KANK1: variants seen among roughly 807,000 people sequenced by gnomAD.
KANK1 encodes KN motif and ankyrin repeat domain-containing protein 1.
Under a neutral mutation model 106.2 loss-of-function variants are expected in KANK1, and 109 were observed. That is an observed-to-expected ratio of 1.03 (90% CI 0.88 to 1.20). The LOEUF is 1.20. Ranked by LOEUF, KANK1 falls within the 50% of genes most tolerant of loss-of-function variation. The pLI, the probability that KANK1 is intolerant of heterozygous loss-of-function variation, is 0.00. For missense variants in KANK1, 2,399 were observed against 1,710.7 expected (o/e 1.40, Z -7.10); for synonymous variants, 873 against 652.2 (o/e 1.34, Z -5.16).
intron 1 of KANK1, among the ~76,000 whole-genome samples, chr9:573,048 G>T (rs1202470970): frequency 6.6e-6 from 1 of 152,042 alleles, no homozygotes; most frequent in African/African-American, 2.4e-5. Context: ...GGTGTAAATT[G>T]TAATTACTGG....
chr9:572,444 C>T (rs1032169228), intron 1 of KANK1, among the ~76,000 whole-genome samples: 3 of 151,942 alleles, frequency 2.0e-5, no homozygotes, highest in African/African-American at 7.3e-5. Context: ...CCCAGCTACT[C>T]GGGAAGCTGA....
intron 6 of KANK1, 101 bp from the exon 7 acceptor site, chr9:734,647 C>T (rs1467431854): frequency 3.9e-6 from 3 of 760,930 alleles, no homozygotes; most frequent in Non-Finnish European, 6.6e-6. Flanking sequence ...GCCTGGGCGA[C>T]AGAGCATGAC....
chr9:524,145 T>G (rs2059675097), intron 1 of KANK1, among the ~76,000 whole-genome samples: 1 of 151,838 alleles, frequency 6.6e-6, no homozygotes. Flanking sequence ...CTTACCTGAT[T>G]CCCTCTTCTG....
At chr9:662,493 A>G (rs1843560550) in intron 1 of KANK1, among the ~76,000 whole-genome samples, 1 of 152,054 alleles carries the variant, frequency 6.6e-6, no homozygotes, top group Admixed American at 6.5e-5. Flanking sequence ...ACACTAATGG[A>G]ATGGAACAGA....
At chr9:665,999 G>A (rs1423376149) in intron 1 of KANK1, among the ~76,000 whole-genome samples, 1 of 152,052 alleles carries the variant, frequency 6.6e-6, no homozygotes, top group Non-Finnish European at 1.5e-5. Context: ...GGGCAGCATA[G>A]TGTGACCTCA....
chr9:546,365 C>T (rs867236983), intron 1 of KANK1, among the ~76,000 whole-genome samples: 1 of 151,934 alleles, frequency 6.6e-6, no homozygotes, highest in Non-Finnish European at 1.5e-5. Flanking sequence ...AAACACTCTG[C>T]AGTGTCCAGG....
intron 1 of KANK1, among the ~76,000 whole-genome samples, chr9:615,545 A>T (rs902051809): frequency 1.3e-5 from 2 of 152,180 alleles, no homozygotes; most frequent in Admixed American, 6.5e-5. Flanking sequence ...AAGGCTACTC[A>T]AGGGCTGGAA....
intron 1 of KANK1, among the ~76,000 whole-genome samples, chr9:576,776 C>G (rs927774181): frequency 1.3e-5 from 2 of 151,048 alleles, no homozygotes; most frequent in African/African-American, 2.4e-5. Context: ...TTTTTGCAAA[C>G]CATGACATTC....
chr9:659,191 G>A (rs999024660), intron 1 of KANK1, among the ~76,000 whole-genome samples: 2 of 152,202 alleles, frequency 1.3e-5, no homozygotes, highest in East Asian at 1.9e-4. Context: ...GAATAAATGA[G>A]TGAAACAAAG....
Position 711,981 on chromosome 9 carries a change from CGAG to C in KANK1, c.1219_1221del (p.Glu407del). ...AGTGCCGGTCTGTGGCTGTGGGTGCCGAGGAGAACATGAACGACATCGTCGTGT... is the reference window on the plus strand; with the variant it reads ...AGTGCCGGTCTGTGGCTGTGGGTGCCGAGAACATGAACGACATCGTCGTGT... On this transcript the variant is annotated inframe_deletion, in exon 3 of 12. Coordinates refer to ENST00000382297, the MANE Select transcript of KANK1 (RefSeq NM_015158.5). 2 of 1,614,056 alleles carry C rather than the reference CGAG, an allele frequency of 1.2e-6. No homozygotes were observed. Among genetic ancestry groups the C allele is most frequent in the Middle Eastern group, 1.7e-4 (1 of 6,060 alleles).
chr9:692,431 C>T (rs749968041), intron 2 of KANK1, among the ~76,000 whole-genome samples: 6 of 151,280 alleles, frequency 4.0e-5, no homozygotes, highest in African/African-American at 7.3e-5. Flanking sequence ...TTTGAAATAG[C>T]AGATCCAAAT....
intron 1 of KANK1, among the ~76,000 whole-genome samples, chr9:543,136 AT>A (rs1160793965): frequency 1.3e-5 from 2 of 152,144 alleles, no homozygotes; most frequent in African/African-American, 4.8e-5. Flanking sequence ...TACAATTTTT[AT>A]TTTTTAATTA....
intron 1 of KANK1, among the ~76,000 whole-genome samples, chr9:547,591 A>G (rs892918049): frequency 3.3e-5 from 5 of 151,552 alleles, no homozygotes; most frequent in Non-Finnish European, 7.4e-5. Flanking sequence ...TTGTGGGCAC[A>G]TTCCCTTCTG....
At position 711,345 on chromosome 9, in the gene KANK1, A is replaced by C. The variant is rs569708040; in HGVS notation, c.579A>C (p.Thr193=). The C allele has an allele frequency of 2.9e-5, 46 of 1,614,026 alleles. No individual in the cohort carries two copies. The South Asian group carries it at 4.8e-4, about 17-fold the overall frequency. Residue 193 remains threonine (T), a synonymous_variant, in exon 3 of 12, where the codon ACA becomes ACC. Transcript: ENST00000382297. ...CCAGTTTTGGAGGCATGGGCACCAC[A>C]AGCTCCCTCCCTTCTTTTGTGGGTT... ...RLASFGGMGT[T]SSLPSFVGSG... is the part of the protein sequence containing the mutation.
rs763633637 is a variant in KANK1, at chr9:712,028, C to T, written c.1262C>T (p.Ser421Phe). 6.2e-7 allele frequency: 1 copy of T among 1,614,082 alleles called. No homozygotes were observed. The highest frequency in any genetic ancestry group is 8.5e-7 in the Non-Finnish European group (1 of 1,180,018). Reference sequence around the variant, plus strand: ...GTCGTGTACCACAGAGGCTCCAGGTCCTGTAAGGATGCAGCTGTAGGGACA... The same window carrying T: ...GTCGTGTACCACAGAGGCTCCAGGTTCTGTAAGGATGCAGCTGTAGGGACA... ...DIVVYHRGSR[S>F]CKDAAVGTLV... The change falls in exon 3 of 12, where the codon TCC (serine) becomes TTC (phenylalanine). Residue 421 changes from serine (S) to phenylalanine (F), a missense_variant. Transcript: ENST00000382297.
intron 3 of KANK1, among the ~76,000 whole-genome samples, chr9:485,910 T>C (rs1461868557): frequency 2.0e-5 from 3 of 147,944 alleles, no homozygotes; most frequent in Non-Finnish European, 1.5e-5. Flanking sequence ...GAGAGAGAGA[T>C]GTAGAGAAGC....
chr9:686,854 G>A (rs576557242), intron 2 of KANK1: 3 of 985,116 alleles, frequency 3.0e-6, no homozygotes. Context: ...AACAGCAGCT[G>A]GAATTCACAA....
chr9:593,285 T>C (rs957231341), intron 1 of KANK1, among the ~76,000 whole-genome samples: 4 of 151,868 alleles, frequency 2.6e-5, no homozygotes, highest in African/African-American at 9.7e-5. Context: ...ATGACAAAAG[T>C]CAGATGTGCC....
At chr9:478,636 C>T (rs75730166) in intron 3 of KANK1, among the ~76,000 whole-genome samples, 5,491 of 152,264 alleles carry the variant, frequency 0.036, 156 homozygotes, top group Non-Finnish European at 0.055. Flanking sequence ...ACACTGCCAC[C>T]CCAATATACC....
Sources: allele counts gnomAD v4.1 joint callset (sites outside exome capture counted in the v4.1 genomes callset), GRCh38; gene constraint gnomAD v4.1.1; transcripts MANE v1.5; gene names NCBI Gene and HGNC (gene_info 2026-07-23, HGNC 2026-07-21).